TPD52: variants seen among roughly 807,000 people sequenced by gnomAD.
The protein encoded by TPD52 is tumor protein D52, also known as prostate and colon associated protein.
Under a neutral mutation model 31.3 loss-of-function variants are expected in TPD52, and 17 were observed. The ratio of observed to expected loss-of-function variants is 0.54; its 90% confidence interval spans 0.37 to 0.82. The LOEUF is 0.82. Ranked by LOEUF, TPD52 falls within the 40% of genes least tolerant of loss-of-function variation. The probability of loss-of-function intolerance (pLI) is 0.00; values close to 1 mark genes in which losing one functional copy is unlikely to be tolerated. For missense variants in TPD52, 212 were observed against 240.1 expected (o/e 0.88, Z 0.77); for synonymous variants, 83 against 89.6 (o/e 0.93, Z 0.42).
intron 2 of TPD52, among the ~76,000 whole-genome samples, chr8:80,059,734 A>G (rs866397185): frequency 1.5e-5 from 2 of 130,840 alleles, no homozygotes; most frequent in East Asian, 2.4e-4. Flanking sequence ...CGTGCCTGTA[A>G]TCCCAGCTAT....
At chr8:80,105,730 T>A (rs1426352421) in intron 1 of TPD52, among the ~76,000 whole-genome samples, 1 of 19,580 alleles carries the variant, frequency 5.1e-5, no homozygotes, top group Non-Finnish European at 7.7e-5. Context: ...CCAGGTCTGC[T>A]TTTTTTTTTT....
chr8:80,171,395 A>G (rs766342556), intron 1 of TPD52, 30 bp downstream of exon 1: 1 of 1,430,308 alleles, frequency 7.0e-7, no homozygotes, highest in East Asian at 2.5e-5. Context: ...TCCAAGCCCG[A>G]GCCCAAGCCC....
intron 1 of TPD52, among the ~76,000 whole-genome samples, chr8:80,145,631 A>T (rs945044566): frequency 2.6e-5 from 4 of 152,214 alleles, no homozygotes; most frequent in Admixed American, 6.5e-5. Flanking sequence ...TTACTATTAG[A>T]CAGGAACATC....
At chr8:80,044,989 A>G (rs1243477322) in intron 5 of TPD52, among the ~76,000 whole-genome samples, 2 of 152,228 alleles carry the variant, frequency 1.3e-5, no homozygotes, top group Non-Finnish European at 2.9e-5. Flanking sequence ...CCTCAAATCT[A>G]ATTTTGCATT....
intron 1 of TPD52, among the ~76,000 whole-genome samples, chr8:80,081,998 G>C (rs1815341497): frequency 6.6e-6 from 1 of 152,082 alleles, no homozygotes; most frequent in African/African-American, 2.4e-5. Flanking sequence ...AGTAGAGATG[G>C]GGTTTCGCCA....
At chr8:80,046,483 C>T (rs779793819) in intron 5 of TPD52, among the ~76,000 whole-genome samples, 72 of 152,134 alleles carry the variant, frequency 4.7e-4, no homozygotes, top group Non-Finnish European at 9.3e-4. Flanking sequence ...TTTCTGGCTT[C>T]TCTATGGCAA....
intron 1 of TPD52, among the ~76,000 whole-genome samples, chr8:80,075,969 G>A (rs1013042296): frequency 2.0e-5 from 3 of 152,192 alleles, no homozygotes; most frequent in African/African-American, 7.2e-5. Context: ...AGAACTATGA[G>A]CTAAGGAATT....
Position 80,080,343 on chromosome 8 carries a change from T to G in TPD52, c.20-15750A>C, listed in dbSNP as rs202245572. On this transcript the variant is annotated intron_variant, in intron 1 of 7. Coordinates refer to ENST00000518937, the MANE Select transcript of TPD52 (RefSeq NM_001025253.3). ...ATTTCTGAAGAGTAGGTGATCCGGG[T>G]GGAGATGAATTTCCACTAGGAGACA... is the stretch of plus-strand genomic sequence containing the variant. 9.4e-5 allele frequency: 152 copies of G among 1,614,150 alleles called. No individual in the cohort carries two copies. In the East Asian group the frequency reaches 3.1e-3, roughly 33 times the overall value.
chr8:80,091,920 T>C (rs1384617574), intron 1 of TPD52, among the ~76,000 whole-genome samples: 4 of 152,254 alleles, frequency 2.6e-5, no homozygotes, highest in African/African-American at 9.6e-5. Context: ...AAAGCTTGAG[T>C]AAACTCTGAA....
intron 1 of TPD52, among the ~76,000 whole-genome samples, chr8:80,089,578 C>G (rs1417891862): frequency 6.6e-6 from 1 of 152,020 alleles, no homozygotes; most frequent in Admixed American, 6.6e-5. Flanking sequence ...AAGAGAGGCC[C>G]TATGAAAAGG....
At chr8:80,064,952 T>C (rs1184748980) in intron 1 of TPD52, 2 of 412,792 alleles carry the variant, frequency 4.8e-6, no homozygotes, top group African/African-American at 4.1e-5. Context: ...AGATGAAAGA[T>C]TTTAGCTCCT....
chr8:80,031,355 AATT>A (rs1809688660), downstream of TPD52, among the ~76,000 whole-genome samples: 1 of 152,228 alleles, frequency 6.6e-6, no homozygotes, highest in South Asian at 2.1e-4. Context: ...AATCACATAA[AATT>A]ATTACTAGCT....
At chr8:80,171,385 T>C (rs115753750) in intron 1 of TPD52, 40 bp downstream of exon 1, 92 of 1,077,762 alleles carry the variant, frequency 8.5e-5, no homozygotes, top group African/African-American at 3.7e-4. Flanking sequence ...CAAGCCCGAG[T>C]CCAAGCCCGA....
intron 1 of TPD52, among the ~76,000 whole-genome samples, chr8:80,072,312 CAT>C (rs1436974056): frequency 1.2e-3 from 94 of 80,810 alleles, no homozygotes; most frequent in African/African-American, 4.1e-3. Context: ...ATCTAAAAAA[CAT>C]ATATGTGTGT....
chr8:80,041,760 T>A (rs1181647190), intron 7 of TPD52, among the ~76,000 whole-genome samples: 2 of 151,976 alleles, frequency 1.3e-5, no homozygotes, highest in African/African-American at 4.8e-5. Context: ...AAAAAAAATG[T>A]CCAACAATTG....
chr8:80,119,695 T>C (rs1808118179), intron 1 of TPD52: 2 of 160,316 alleles, frequency 1.2e-5, no homozygotes, highest in South Asian at 3.1e-4. Context: ...TCTTTAAAAT[T>C]AAAAGAATAT....
At chr8:80,168,065 A>T (rs1208911682) in intron 1 of TPD52, among the ~76,000 whole-genome samples, 2 of 152,242 alleles carry the variant, frequency 1.3e-5, no homozygotes, top group African/African-American at 4.8e-5. Context: ...TAATGCTTGG[A>T]AACTCTTGAA....
chr8:80,080,590 C>G, intron 1 of TPD52: 1 of 1,401,556 alleles, frequency 7.1e-7, no homozygotes, highest in Non-Finnish European at 9.3e-7. Context: ...GCCCTGGCTT[C>G]TGGGCCCAGG....
intron 1 of TPD52, among the ~76,000 whole-genome samples, chr8:80,152,977 G>A (rs1278739920): frequency 6.6e-6 from 1 of 151,938 alleles, no homozygotes; most frequent in African/African-American, 2.4e-5. Context: ...AATAAAATTA[G>A]TTTTTACCTT....
Sources: allele counts gnomAD v4.1 joint callset (sites outside exome capture counted in the v4.1 genomes callset), GRCh38; gene constraint gnomAD v4.1.1; transcripts MANE v1.5; gene names NCBI Gene and HGNC (gene_info 2026-07-23, HGNC 2026-07-21).